The following AVEN variants were observed in gnomAD, a reference collection of about 807,000 sequenced individuals.
AVEN encodes the protein apoptosis and caspase activation inhibitor, also known as cell death regulator Aven.
Under a neutral mutation model 38.1 loss-of-function variants are expected in AVEN, and 41 were observed. The observed-to-expected ratio is 1.08, with a 90% confidence interval of 0.84 to 1.40. AVEN has a LOEUF of 1.40. Ranked by LOEUF, AVEN falls within the 40% of genes most tolerant of loss-of-function variation. AVEN has a pLI of 0.00. For synonymous variants in AVEN, 206 were observed against 171.8 expected, an observed-to-expected ratio of 1.20 and a Z score of -1.56; for missense variants, 605 against 438.8, an observed-to-expected ratio of 1.38 and a Z score of -3.38.
chr15:33,953,126 C>T lies in AVEN; in HGVS notation c.445+49906G>A, dbSNP rs529475087. 2.5e-3 allele frequency among the ~76,000 whole-genome samples: 383 copies of T among 151,990 alleles called. 3 individuals carry two copies. Among genetic ancestry groups the T allele is most frequent in the African/African-American group, 8.8e-3 (365 of 41,484 alleles). On this transcript the variant is annotated intron_variant, in intron 2 of 5. Coordinates refer to ENST00000306730, the MANE Select transcript of AVEN (RefSeq NM_020371.3). ...AGGAGAACTACAAACCACTGCTCTA[C>T]GAAATAAAGAGGACACAAACAAGTG...
intron 2 of AVEN, among the ~76,000 whole-genome samples, chr15:33,973,419 T>C (rs1448999219): frequency 1.3e-5 from 2 of 152,226 alleles, no homozygotes; most frequent in Admixed American, 1.3e-4. Context: ...CCTTCATTTG[T>C]GTTGCAAAGA....
At chr15:34,020,242 C>T (rs968149546) in intron 1 of AVEN, among the ~76,000 whole-genome samples, 2 of 151,618 alleles carry the variant, frequency 1.3e-5, no homozygotes, top group South Asian at 2.1e-4. Flanking sequence ...ACCAGGGAGG[C>T]GGAGCTTGCA....
chr15:33,902,158 C>CCAT (rs34811383), intron 2 of AVEN, among the ~76,000 whole-genome samples: 1 of 151,966 alleles, frequency 6.6e-6, no homozygotes, highest in Non-Finnish European at 1.5e-5. Context: ...TTTATTTCAA[C>CCAT]GTTTTATTGT....
chr15:33,852,954 C>A, the AVEN span: 1 of 1,117,724 alleles, frequency 8.9e-7, no homozygotes, highest in Non-Finnish European at 1.3e-6. Context: ...CAGAAAGATC[C>A]CAGATCCAGG....
chr15:33,857,783 G>C (rs771187386), downstream of AVEN: 2 of 1,613,882 alleles, frequency 1.2e-6, no homozygotes, highest in African/African-American at 2.7e-5. Context: ...TTCCCAGTTG[G>C]TTCTGACTGT....
intron 2 of AVEN, among the ~76,000 whole-genome samples, chr15:33,900,175 G>T (rs1029413434): frequency 1.3e-5 from 2 of 151,964 alleles, no homozygotes; most frequent in Non-Finnish European, 2.9e-5. Context: ...TATTGGAAAT[G>T]AGTCCTTGAA....
chr15:33,977,492 G>A (rs1161358189), intron 2 of AVEN, among the ~76,000 whole-genome samples: 1 of 152,154 alleles, frequency 6.6e-6, no homozygotes, highest in Non-Finnish European at 1.5e-5. Context: ...AGGAGGCTAT[G>A]ACAGCGTGCT....
At chr15:33,857,933 C>T (rs373928155), downstream of AVEN, 18 of 1,379,676 alleles carry the variant, frequency 1.3e-5, no homozygotes, top group South Asian at 4.7e-5. Flanking sequence ...CCACCCACTG[C>T]GGGGCCAGCC....
At chr15:33,917,932 C>T (rs981162394) in intron 2 of AVEN, among the ~76,000 whole-genome samples, 2 of 152,020 alleles carry the variant, frequency 1.3e-5, no homozygotes, top group African/African-American at 4.8e-5. Context: ...TAAGCAAACA[C>T]CACCTGTTCC....
chr15:34,049,067 C>A (rs562486), intron 5 of AVEN, among the ~76,000 whole-genome samples: 98,962 of 152,068 alleles, frequency 0.65, 33,433 homozygotes, highest in South Asian at 0.78. Flanking sequence ...AACCTCAAAG[C>A]TCAAAGGTAG....
At chr15:33,856,398 A>G (rs2079663454), downstream of AVEN, 1 of 152,212 alleles carries the variant, frequency 6.6e-6, no homozygotes, top group Non-Finnish European at 1.5e-5. Flanking sequence ...AGTCCTTGAG[A>G]GAGGTCAGAT....
At chr15:33,907,641 C>A (rs1892756857) in intron 2 of AVEN, among the ~76,000 whole-genome samples, 1 of 152,140 alleles carries the variant, frequency 6.6e-6, no homozygotes, top group African/African-American at 2.4e-5. Flanking sequence ...CCTCACCTCT[C>A]CATTCTGACA....
chr15:33,965,630 G>A (rs923453525), intron 2 of AVEN, among the ~76,000 whole-genome samples: 54 of 152,174 alleles, frequency 3.5e-4, no homozygotes, highest in African/African-American at 1.3e-3. Flanking sequence ...CTTTACAGTG[G>A]GCAATGGGAG....
At chr15:33,855,576 C>A (rs141616140), downstream of AVEN, among the ~76,000 whole-genome samples, 185 of 151,564 alleles carry the variant, frequency 1.2e-3, 1 homozygote, top group South Asian at 0.016. Flanking sequence ...AGTAGACATA[C>A]TGTACACAGA....
chr15:34,068,846 CCTT>C (rs1336796593), intron 2 of AVEN, among the ~76,000 whole-genome samples: 9 of 146,204 alleles, frequency 6.2e-5, no homozygotes, highest in Admixed American at 2.8e-4. Flanking sequence ...GAGTCTCGCT[CCTT>C]TGCCCAGGCT....
At chr15:33,984,822 A>G (rs1479473042) in intron 2 of AVEN, among the ~76,000 whole-genome samples, 1 of 152,130 alleles carries the variant, frequency 6.6e-6, no homozygotes, top group Non-Finnish European at 1.5e-5. Context: ...TGATGCAGTA[A>G]ATCACACCCA....
chr15:34,055,612 T>C (rs916559066), intron 5 of AVEN, among the ~76,000 whole-genome samples: 4 of 151,662 alleles, frequency 2.6e-5, no homozygotes, highest in African/African-American at 9.7e-5. Context: ...CCATCCTGGC[T>C]AACATGGTGA....
intron 5 of AVEN, among the ~76,000 whole-genome samples, chr15:34,060,659 T>G (rs1438721628): frequency 6.6e-6 from 1 of 152,174 alleles, no homozygotes; most frequent in Non-Finnish European, 1.5e-5. Flanking sequence ...GTGGATCGCC[T>G]GGGGTCAGGA....
At chr15:33,983,205 T>C (rs575082739) in intron 2 of AVEN, among the ~76,000 whole-genome samples, 1,275 of 26,022 alleles carry the variant, frequency 0.049, 42 homozygotes, top group African/African-American at 0.2. Flanking sequence ...TGTGTGTATA[T>C]ATATATATAC....
Sources: gnomAD v4.1 joint callset for allele counts (sites outside exome capture counted in the v4.1 genomes callset) on GRCh38, gnomAD v4.1.1 for gene constraint, MANE v1.5 for transcripts, NCBI Gene and HGNC (gene_info 2026-07-23, HGNC 2026-07-21) for gene names.